Variants in NDST4 observed in about 807,000 individuals in gnomAD.
NDST4 encodes the protein N-deacetylase and N-sulfotransferase 4, also known as N-heparan sulfate sulfotransferase 4.
In NDST4, 63 loss-of-function variants were observed where a neutral mutation model predicts 100.8. That is an observed-to-expected ratio of 0.62 (90% CI 0.51 to 0.77). The LOEUF is 0.77. NDST4 is among the 30% of genes least tolerant of loss of function. The probability of loss-of-function intolerance (pLI) is 0.00; values close to 1 mark genes in which losing one functional copy is unlikely to be tolerated. For missense variants in NDST4, 943 were observed against 1,018.4 expected (o/e 0.93, Z 1.01); for synonymous variants, 377 against 361.8 (o/e 1.04, Z -0.48).
chr4:115,066,303 G>A (rs935826828), intron 2 of NDST4, among the ~76,000 whole-genome samples: 1 of 152,088 alleles, frequency 6.6e-6, no homozygotes, highest in East Asian at 1.9e-4. Context: ...TTTAAGTGGA[G>A]AATAACCCTA....
intron 3 of NDST4, among the ~76,000 whole-genome samples, chr4:114,971,405 A>G (rs949019900): frequency 6.6e-6 from 1 of 152,136 alleles, no homozygotes; most frequent in Admixed American, 6.5e-5. Context: ...TAAGAAAAAA[A>G]AAACTTACTT....
intron 1 of NDST4, among the ~76,000 whole-genome samples, chr4:115,085,365 C>T (rs190874642): frequency 2.6e-5 from 4 of 152,096 alleles, no homozygotes; most frequent in Admixed American, 2.0e-4. Flanking sequence ...TGGGTTAATG[C>T]TGGAATGAGT....
At position 114,852,737 on chromosome 4, in the gene NDST4, G is replaced by A; in HGVS notation, c.1804C>T (p.Pro602Ser). 3 of 1,605,426 alleles carry A rather than the reference G, an allele frequency of 1.9e-6. No individual in the cohort carries two copies. The highest frequency in any genetic ancestry group is 1.7e-6 in the Non-Finnish European group (2 of 1,173,418). Reference protein sequence around the residue: ...DHLPKFLVIGPQKTGTTALYL... With the variant: ...DHLPKFLVIGSQKTGTTALYL... ...TGGCTATTTTTACCTGTTTTTTGTGGACCAATTACTAGAAATTTTGGTAAG... is the reference window on the plus strand; with the variant it reads ...TGGCTATTTTTACCTGTTTTTTGTGAACCAATTACTAGAAATTTTGGTAAG... The change falls in exon 8 of 14, where the codon CCA becomes TCA. Residue 602 changes from proline to serine, a missense_variant. Transcript: ENST00000264363.
chr4:115,061,427 G>A (rs1029660793), intron 2 of NDST4, among the ~76,000 whole-genome samples: 16 of 152,044 alleles, frequency 1.1e-4, no homozygotes, highest in African/African-American at 3.9e-4. Context: ...TATACACCAT[G>A]GAATACTATG....
At chr4:114,919,728 G>C (rs149359982) in intron 6 of NDST4, among the ~76,000 whole-genome samples, 2 of 152,150 alleles carry the variant, frequency 1.3e-5, no homozygotes, top group South Asian at 2.1e-4. Context: ...TCTATTTTAC[G>C]TTTAACAATA....
chr4:115,097,609 ATTTC>A (rs1424862130), intron 1 of NDST4, among the ~76,000 whole-genome samples: 1 of 152,044 alleles, frequency 6.6e-6, no homozygotes, highest in African/African-American at 2.4e-5. Flanking sequence ...GACTATTGAA[ATTTC>A]TTTCTAATTG....
chr4:114,839,643 G>T (rs1435286021), intron 10 of NDST4, 95 bp from the exon 11 acceptor site: 2 of 1,023,212 alleles, frequency 2.0e-6, no homozygotes, highest in Admixed American at 4.2e-5. Flanking sequence ...GTGTGTGTTT[G>T]GTGTGTATGT....
At chr4:114,829,573 A>G (rs974244832) in intron 13 of NDST4, among the ~76,000 whole-genome samples, 5 of 152,206 alleles carry the variant, frequency 3.3e-5, no homozygotes, top group Admixed American at 6.5e-5. Flanking sequence ...AACAGCAAAT[A>G]ATTTCTAGGA....
In NDST4 at chr4:114,895,058, TA is replaced by T. The variant is rs560491557; in HGVS notation, c.1537-24109del. 1.1e-3 allele frequency among the ~76,000 whole-genome samples: 164 copies of T among 152,240 alleles called. 2 individuals carry two copies. The highest frequency in any genetic ancestry group is 3.6e-3 in the African/African-American group (151 of 41,540). ...CTAGAAAGCTCTCAAATCAATACCC[TA>T]AATTCACAGTTAAAAGAGCTAGAGA... On this transcript the variant is annotated intron_variant, in intron 6 of 13. Coordinates refer to ENST00000264363, the MANE Select transcript of NDST4 (RefSeq NM_022569.3).
At chr4:114,893,197 A>G (rs919472759) in intron 6 of NDST4, among the ~76,000 whole-genome samples, 21 of 152,178 alleles carry the variant, frequency 1.4e-4, no homozygotes, top group Non-Finnish European at 2.2e-4. Flanking sequence ...TAGTGCTGCA[A>G]TAAACATACA....
intron 2 of NDST4, among the ~76,000 whole-genome samples, chr4:115,032,561 T>A: frequency 6.6e-6 from 1 of 152,106 alleles, no homozygotes; most frequent in East Asian, 1.9e-4. Context: ...GCATTTTCTC[T>A]TCTTTGCACT....
chr4:115,038,474 C>A, intron 2 of NDST4, among the ~76,000 whole-genome samples: 1 of 152,172 alleles, frequency 6.6e-6, no homozygotes, highest in South Asian at 2.1e-4. Context: ...GGATAAACAG[C>A]CTAAGTCTGA....
intron 2 of NDST4, among the ~76,000 whole-genome samples, chr4:115,030,224 C>A (rs1351708892): frequency 6.6e-6 from 1 of 151,992 alleles, no homozygotes; most frequent in Non-Finnish European, 1.5e-5. Context: ...TGTCTACCAG[C>A]AAGCCAGAAG....
chr4:115,090,788 A>G (rs1729504437), intron 1 of NDST4, among the ~76,000 whole-genome samples: 1 of 152,094 alleles, frequency 6.6e-6, no homozygotes, highest in South Asian at 2.1e-4. Context: ...AAGTCCAGGG[A>G]GTATAGGTAA....
chr4:114,931,316 A>G (rs1725508919), intron 6 of NDST4, among the ~76,000 whole-genome samples: 1 of 151,826 alleles, frequency 6.6e-6, no homozygotes, highest in South Asian at 2.1e-4. Flanking sequence ...TCTTTGTAGT[A>G]GTGCTAGAAT....
At chr4:115,081,811 C>T (rs1342882854) in intron 1 of NDST4, among the ~76,000 whole-genome samples, 1 of 152,176 alleles carries the variant, frequency 6.6e-6, no homozygotes, top group Non-Finnish European at 1.5e-5. Flanking sequence ...CCTTTCCCCA[C>T]TTTCCCCTTA....
intron 2 of NDST4, among the ~76,000 whole-genome samples, chr4:114,997,011 C>T (rs1727180004): frequency 6.6e-6 from 1 of 152,048 alleles, no homozygotes; most frequent in Non-Finnish European, 1.5e-5. Context: ...GCTACCTGAC[C>T]TAGCAATGTT....
At chr4:114,874,185 T>A (rs949916971) in intron 6 of NDST4, among the ~76,000 whole-genome samples, 4 of 152,168 alleles carry the variant, frequency 2.6e-5, no homozygotes, top group African/African-American at 9.6e-5. Flanking sequence ...GAGAGTATCA[T>A]AAAGAGTATT....
chr4:114,983,386 G>T (rs1726824283), intron 2 of NDST4, among the ~76,000 whole-genome samples: 1 of 152,190 alleles, frequency 6.6e-6, no homozygotes, highest in African/African-American at 2.4e-5. Flanking sequence ...TCCACCCCTT[G>T]AATCAGCGTG....
Sources: gnomAD v4.1 joint callset for allele counts (sites outside exome capture counted in the v4.1 genomes callset) on GRCh38, gnomAD v4.1.1 for gene constraint, MANE v1.5 for transcripts, NCBI Gene and HGNC (gene_info 2026-07-23, HGNC 2026-07-21) for gene names.